ITPR2: variants seen among roughly 807,000 people sequenced by gnomAD.
ITPR2 encodes the protein inositol 1,4,5-trisphosphate-gated calcium channel ITPR2.
In ITPR2, 207 loss-of-function variants were observed where a neutral mutation model predicts 317.1. The ratio of observed to expected loss-of-function variants is 0.65; its 90% CI spans 0.58 to 0.73. The LOEUF is 0.73. Among genes scored for constraint, ITPR2 ranks in the 30% least tolerant of loss-of-function variants. The pLI is 0.00. For synonymous variants in ITPR2, 1,156 were observed against 1,149.1 expected, an observed-to-expected ratio of 1.01 and a Z score of -0.12; for missense variants, 2,613 against 3,284.0, an observed-to-expected ratio of 0.80 and a Z score of 4.99.
intron 2 of ITPR2, among the ~76,000 whole-genome samples, chr12:26,785,515 A>AG (rs1465726092): frequency 1.6e-4 from 6 of 37,378 alleles, no homozygotes; most frequent in Non-Finnish European, 3.4e-4. Flanking sequence ...GGAAGTGAGG[A>AG]CCCCTCTGCC....
chr12:26,478,001 T>C (rs1186657030), intron 43 of ITPR2, among the ~76,000 whole-genome samples: 1 of 152,202 alleles, frequency 6.6e-6, no homozygotes, highest in African/African-American at 2.4e-5. Context: ...AACATGGCTT[T>C]AAGATGCTTC....
chr12:26,340,444 G>T, intron 55 of ITPR2, 116 bp from the exon 56 acceptor site: 1 of 1,094,704 alleles, frequency 9.1e-7, no homozygotes, highest in Non-Finnish European at 1.2e-6. Context: ...AAATTGGAGA[G>T]AGAAAACCTG....
intron 37 of ITPR2, among the ~76,000 whole-genome samples, chr12:26,540,400 T>C (rs1024661920): frequency 2.6e-5 from 4 of 152,238 alleles, no homozygotes; most frequent in African/African-American, 9.6e-5. Flanking sequence ...AACTTAATAA[T>C]ACATTGATTT....
chr12:26,617,758 G>A (rs114935083), intron 26 of ITPR2, among the ~76,000 whole-genome samples: 4,367 of 128,260 alleles, frequency 0.034, 259 homozygotes, highest in African/African-American at 0.12. Context: ...GACAGAAGGA[G>A]GGAGGGAGGG....
At chr12:26,779,027 G>C (rs909872538) in intron 2 of ITPR2, among the ~76,000 whole-genome samples, 4 of 152,288 alleles carry the variant, frequency 2.6e-5, no homozygotes, top group Non-Finnish European at 5.9e-5. Flanking sequence ...GACCCGAAAA[G>C]CTGCCAGTTT....
chr12:26,678,125 C>A (rs1405258065), intron 13 of ITPR2, among the ~76,000 whole-genome samples: 3 of 152,106 alleles, frequency 2.0e-5, no homozygotes, highest in Admixed American at 6.5e-5. Flanking sequence ...TTGAGAGTAA[C>A]CCCAGTATTT....
chr12:26,596,769 G>T, intron 31 of ITPR2, 114 bp downstream of exon 31: 1 of 789,898 alleles, frequency 1.3e-6, no homozygotes, highest in Admixed American at 3.3e-5. Context: ...ACAATTCCCT[G>T]ACTAAATATA....
intron 55 of ITPR2, among the ~76,000 whole-genome samples, chr12:26,383,650 ATT>A (rs10687022): frequency 0.038 from 5,093 of 134,276 alleles, 126 homozygotes; most frequent in Middle Eastern, 0.085. Flanking sequence ...CGCCTGGCTA[ATT>A]TTTTTTTTTT....
intron 2 of ITPR2, among the ~76,000 whole-genome samples, chr12:26,736,074 G>A (rs1949114077): frequency 6.6e-6 from 1 of 152,150 alleles, no homozygotes; most frequent in South Asian, 2.1e-4. Context: ...GAAAGTTCCT[G>A]CCAAGTTACC....
intron 35 of ITPR2, among the ~76,000 whole-genome samples, chr12:26,559,926 C>T (rs1352499231): frequency 6.6e-6 from 1 of 152,192 alleles, no homozygotes; most frequent in African/African-American, 2.4e-5. Context: ...CTCCACCATG[C>T]TGTTACTCTG....
intron 39 of ITPR2, among the ~76,000 whole-genome samples, chr12:26,489,070 A>G (rs1426830261): frequency 6.6e-6 from 1 of 152,206 alleles, no homozygotes; most frequent in Admixed American, 6.5e-5. Context: ...CATAGATAAC[A>G]CCTTTTAAGA....
rs370768517 is a variant in ITPR2 at position 26,398,409 on chromosome 12, C to T, written c.7696+467G>A. Reference sequence around the variant, plus strand: ...CTGCACTCCAGCCTGGGTAACAGAGCGAGACTCCATCTCAAAATAACAAAC... The same window carrying T: ...CTGCACTCCAGCCTGGGTAACAGAGTGAGACTCCATCTCAAAATAACAAAC... On this transcript the variant is annotated intron_variant, in intron 54 of 56. Coordinates refer to ENST00000381340, the MANE Select transcript of ITPR2 (RefSeq NM_002223.4). Among the ~76,000 whole-genome samples, 3 of 152,040 alleles carry T rather than the reference C, an allele frequency of 2.0e-5. No individual in the cohort carries two copies. In the South Asian group the frequency reaches 6.2e-4, roughly 31 times the overall value.
intron 6 of ITPR2, 29 bp from the exon 7 acceptor site, chr12:26,715,864 A>G: frequency 1.4e-6 from 2 of 1,415,142 alleles, no homozygotes; most frequent in South Asian, 2.3e-5. Flanking sequence ...TCAAAGTTAT[A>G]AGACTACAGA....
intron 45 of ITPR2, among the ~76,000 whole-genome samples, chr12:26,469,876 T>A (rs1380670381): frequency 2.0e-5 from 3 of 152,340 alleles, no homozygotes; most frequent in African/African-American, 7.2e-5. Flanking sequence ...TCTTGAATGA[T>A]CTGCCAACTT....
At chr12:26,635,821 G>A (rs1349578152) in intron 21 of ITPR2, among the ~76,000 whole-genome samples, 3 of 152,098 alleles carry the variant, frequency 2.0e-5, no homozygotes, top group Non-Finnish European at 4.4e-5. Context: ...ACATTCCCTG[G>A]AGCAGTACTT....
At chr12:26,569,876 G>A (rs988363910) in intron 34 of ITPR2, among the ~76,000 whole-genome samples, 2 of 152,164 alleles carry the variant, frequency 1.3e-5, no homozygotes, top group Non-Finnish European at 1.5e-5. Flanking sequence ...TCTCTACAGA[G>A]GGCAGCATCC....
chr12:26,781,813 G>A (rs66888168), intron 2 of ITPR2, among the ~76,000 whole-genome samples: 5 of 151,434 alleles, frequency 3.3e-5, no homozygotes, highest in East Asian at 1.9e-4. Flanking sequence ...CTGCCAGCAC[G>A]GCCAGAATAT....
At chr12:26,777,681 A>G (rs1257793306) in intron 2 of ITPR2, among the ~76,000 whole-genome samples, 1 of 139,646 alleles carries the variant, frequency 7.2e-6, no homozygotes, top group Admixed American at 8.0e-5. Context: ...TGGACAAAAG[A>G]CTAATTTGAA....
chr12:26,646,310 C>T (rs928969804), intron 21 of ITPR2, among the ~76,000 whole-genome samples: 12 of 151,808 alleles, frequency 7.9e-5, no homozygotes, highest in African/African-American at 2.9e-4. Context: ...TTCTTCCTTT[C>T]TCACCCATAA....
Sources: gnomAD v4.1 joint callset for allele counts (sites outside exome capture counted in the v4.1 genomes callset) on GRCh38, gnomAD v4.1.1 for gene constraint, MANE v1.5 for transcripts, NCBI Gene and HGNC (gene_info 2026-07-23, HGNC 2026-07-21) for gene names.